PGPEP1: variants seen among roughly 807,000 people sequenced by gnomAD.
The protein encoded by PGPEP1 is pyroglutamyl-peptidase I.
PGPEP1 carries 15 observed loss-of-function variants against 24.1 expected under a neutral mutation model. The ratio of observed to expected loss-of-function variants is 0.62; its 90% CI spans 0.42 to 0.96. The LOEUF is 0.96. Among genes scored for constraint, PGPEP1 ranks in the 40% least tolerant of loss-of-function variants. The pLI is 0.00. For missense variants in PGPEP1, 242 were observed against 273.4 expected (o/e 0.89, Z 0.81); for synonymous variants, 122 against 116.4 (o/e 1.05, Z -0.31).
chr19:18,354,866 T>C (rs1370896622), intron 2 of PGPEP1, among the ~76,000 whole-genome samples: 1 of 151,946 alleles, frequency 6.6e-6, no homozygotes, highest in African/African-American at 2.4e-5. Flanking sequence ...CCAATGTCAT[T>C]TGAACACTTA....
At position 18,366,930 on chromosome 19, in the gene PGPEP1, A is replaced by C. The variant is rs911003909; in HGVS notation, c.*3347A>C. On this transcript the variant is annotated 3_prime_UTR_variant, in exon 5 of 5. Transcript: ENST00000269919. ...GCACTTTGGGAGGTTGAGGCAGGAGAATCCCTTGAGCCAGGAGTTCAAGAC... is the reference window on the plus strand; with the variant it reads ...GCACTTTGGGAGGTTGAGGCAGGAGCATCCCTTGAGCCAGGAGTTCAAGAC... 1 of 151,818 alleles carries C rather than the reference A, an allele frequency of 6.6e-6. No homozygotes were observed. Among genetic ancestry groups the C allele is most frequent in the African/African-American group, 2.4e-5 (1 of 41,294 alleles). The allele number at this position is 151,818 out of a possible 1,614,324, so 9.4% of individuals were successfully genotyped here.
chr19:18,348,783 G>T (rs562928609), intron 2 of PGPEP1, among the ~76,000 whole-genome samples: 2 of 152,060 alleles, frequency 1.3e-5, no homozygotes, highest in Admixed American at 6.6e-5. Flanking sequence ...TTGAGATGGG[G>T]TCTTGCTCTG....
At chr19:18,358,317 A>C in intron 4 of PGPEP1, among the ~76,000 whole-genome samples, 1 of 136,098 alleles carries the variant, frequency 7.3e-6, no homozygotes, top group Admixed American at 8.6e-5. Flanking sequence ...CTGGAGTGCA[A>C]TGGCGTGATC....
chr19:18,341,473 G>A (rs1435192427), intron 1 of PGPEP1, among the ~76,000 whole-genome samples: 2 of 152,166 alleles, frequency 1.3e-5, no homozygotes, highest in African/African-American at 4.8e-5. Context: ...ATTTTGACCT[G>A]CTGTCTGGAG....
At chr19:18,355,505 C>T (rs1156748965) in intron 2 of PGPEP1, among the ~76,000 whole-genome samples, 8 of 152,098 alleles carry the variant, frequency 5.3e-5, no homozygotes. Context: ...AGGTGATCCG[C>T]CCACCTTGGC....
In PGPEP1 at chr19:18,348,713, A is replaced by G. The variant is rs192895259; in HGVS notation, c.87+5802A>G. On this transcript the variant is annotated intron_variant, in intron 2 of 4. Coordinates refer to ENST00000269919, the MANE Select transcript of PGPEP1 (RefSeq NM_017712.4). ...TTAAAATTGAGTGATAATTTACATC[A>G]GGCAATGTGAACAGACCTTAAGTTT... Among the ~76,000 whole-genome samples the G allele has an allele frequency of 1.5e-3, 227 of 152,312 alleles. 1 individual carries two copies. Among genetic ancestry groups the G allele is most frequent in the African/African-American group, 5.1e-3 (211 of 41,566 alleles).
Position 18,364,099 on chromosome 19 carries a change from T to TCTTTCTTTCTTTCTTTCTTTCTTTCTTG in PGPEP1, c.*531_*532insTCTTTCTTTCTTGCTTTCTTTCTTTCTT, listed in dbSNP as rs1568320987. The TCTTTCTTTCTTTCTTTCTTTCTTTCTTG allele has an allele frequency of 2.2e-5, 3 of 133,540 alleles. No individual in the cohort carries two copies. Among genetic ancestry groups the TCTTTCTTTCTTTCTTTCTTTCTTTCTTG allele is most frequent in the Non-Finnish European group, 3.3e-5 (2 of 60,620 alleles). The allele number at this position is 133,540 out of a possible 1,614,324, so 8.3% of individuals were successfully genotyped here. A position where few individuals can be genotyped will look rare whatever the true frequency, so the allele number is the denominator to read the frequency against. On this transcript the variant is annotated 3_prime_UTR_variant, in exon 5 of 5. Coordinates refer to ENST00000269919, the MANE Select transcript of PGPEP1 (RefSeq NM_017712.4). ...GGCTGGCTGGCTTTCTTTCTTTCTT[T>TCTTTCTTTCTTTCTTTCTTTCTTTCTTG]CTTTCTTTCTTTCTTGCTTTCTTTC...
intron 1 of PGPEP1, 28 bp from the exon 2 acceptor site, chr19:18,342,831 T>A: frequency 6.3e-7 from 1 of 1,595,546 alleles, no homozygotes; most frequent in Non-Finnish European, 8.6e-7. Context: ...CACTCTTGGG[T>A]AATATATTGC....
intron 2 of PGPEP1, among the ~76,000 whole-genome samples, chr19:18,354,200 G>A (rs1224657815): frequency 1.3e-5 from 2 of 151,880 alleles, no homozygotes; most frequent in East Asian, 1.9e-4. Context: ...ATAGCACTGC[G>A]CTCCAGCCTC....
At position 18,363,837 on chromosome 19, in the gene PGPEP1, C is replaced by G; in HGVS notation, c.*254C>G. 2.7e-6 allele frequency: 1 copy of G among 365,128 alleles called. No individual in the cohort carries two copies. The highest frequency in any genetic ancestry group is 5.2e-5 in the South Asian group (1 of 19,284). The allele number at this position is 365,128 out of a possible 1,614,324, so 22.6% of individuals were successfully genotyped here. On this transcript the variant is annotated 3_prime_UTR_variant, in exon 5 of 5. Transcript: ENST00000269919. ...GACACAGCTGCCGTGACCAGGGAGG[C>G]CAGCCTGGGAGGTCCAGATGCCCAG...
At chr19:18,341,911 A>ATT (rs113532652) in intron 1 of PGPEP1, among the ~76,000 whole-genome samples, 33 of 144,734 alleles carry the variant, frequency 2.3e-4, no homozygotes, top group African/African-American at 7.3e-4. Flanking sequence ...GATGGACCGT[A>ATT]TTTTTTTTTT....
intron 2 of PGPEP1, among the ~76,000 whole-genome samples, chr19:18,352,115 C>CAAAAATAAAAATAA (rs1169762293): frequency 6.6e-6 from 1 of 151,332 alleles, no homozygotes; most frequent in Non-Finnish European, 1.5e-5. Context: ...ACTAAAAATA[C>CAAAAATAAAAATAA]AAAAAAATTA....
rs185018337 is a variant in PGPEP1, at chr19:18,348,195, G to A, written c.87+5284G>A. Reference sequence around the variant, plus strand: ...GTTTCTCTTCCGAGGAGGTGCAGGTGGGTGTTAAGGGCTGGGGAGCTCCGG... The same window carrying A: ...GTTTCTCTTCCGAGGAGGTGCAGGTAGGTGTTAAGGGCTGGGGAGCTCCGG... On this transcript the variant is annotated intron_variant, in intron 2 of 4. Coordinates refer to ENST00000269919, the MANE Select transcript of PGPEP1 (RefSeq NM_017712.4). Among the ~76,000 whole-genome samples, 206 of 152,218 alleles carry A rather than the reference G, an allele frequency of 1.4e-3. 1 individual carries two copies. Among genetic ancestry groups the A allele is most frequent in the South Asian group, 2.9e-3 (14 of 4,820 alleles).
At chr19:18,348,391 C>T (rs563017778) in intron 2 of PGPEP1, among the ~76,000 whole-genome samples, 3 of 152,250 alleles carry the variant, frequency 2.0e-5, no homozygotes, top group East Asian at 1.9e-4. Context: ...GGGAATCGGT[C>T]AGACGAGGCT....
chr19:18,347,782 C>T (rs903190100), intron 2 of PGPEP1, among the ~76,000 whole-genome samples: 3 of 152,024 alleles, frequency 2.0e-5, no homozygotes, highest in South Asian at 2.1e-4. Flanking sequence ...TACAGGTGCA[C>T]GCCACCACGC....
At chr19:18,343,580 C>T (rs1460935572) in intron 2 of PGPEP1, among the ~76,000 whole-genome samples, 5 of 152,012 alleles carry the variant, frequency 3.3e-5, no homozygotes, top group Non-Finnish European at 5.9e-5. Context: ...TCTGGAGGGC[C>T]AGGTGTGGAT....
Position 18,340,678 on chromosome 19 carries a change from C to A in PGPEP1, c.-4C>A, listed in dbSNP as rs771884829. ...GCAGGTCCGAGGCACAGCCCGATCC[C>A]GCCATGGAGCAGCCGAGGAAGGCGG... On this transcript the variant is annotated 5_prime_UTR_variant, in exon 1 of 5. Transcript: ENST00000269919. The A allele has an allele frequency of 6.5e-6, 10 of 1,542,716 alleles. No homozygotes were observed. The highest frequency in any genetic ancestry group is 8.7e-6 in the Non-Finnish European group (10 of 1,146,596).
chr19:18,358,139 G>C (rs548433218), intron 4 of PGPEP1: 1 of 173,606 alleles, frequency 5.8e-6, no homozygotes, highest in African/African-American at 2.4e-5. Context: ...TAGACACATC[G>C]CTCCAGTCCC....
rs59054174 is a variant in PGPEP1, at chr19:18,368,438, CAAAA to C, written c.*4870_*4873del. 1,309 of 116,900 alleles carry C rather than the reference CAAAA, an allele frequency of 0.011. 14 individuals are homozygous for C. The highest frequency in any genetic ancestry group is 0.036 in the African/African-American group (1,067 of 29,764). 7.2% of individuals were successfully genotyped at this position (116,900 alleles called of 1,614,324 possible). ...TGGGCAACATAGCAAGACTCTGTCA[CAAAA>C]AAAAAAAAAAAAAAGAATTCCCTGC... On this transcript the variant is annotated 3_prime_UTR_variant, in exon 5 of 5. Coordinates refer to ENST00000269919, the MANE Select transcript of PGPEP1 (RefSeq NM_017712.4).
Sources: allele counts gnomAD v4.1 joint callset (sites outside exome capture counted in the v4.1 genomes callset), GRCh38; gene constraint gnomAD v4.1.1; transcripts MANE v1.5; gene names NCBI Gene and HGNC (gene_info 2026-07-23, HGNC 2026-07-21).